Variants in NRXN3 observed in about 807,000 individuals in gnomAD.
The protein encoded by NRXN3 is neurexin III.
In NRXN3, 32 loss-of-function variants were observed where a neutral mutation model predicts 137.6. The observed-to-expected ratio is 0.23, with a 90% CI of 0.18 to 0.31. The LOEUF is 0.31. NRXN3 is among the 10% of genes least tolerant of loss of function. NRXN3 has a pLI of 1.00. For missense variants in NRXN3, 1,574 were observed against 2,062.5 expected, an observed-to-expected ratio of 0.76 and a Z score of 4.59; for synonymous variants, 798 against 784.5, an observed-to-expected ratio of 1.02 and a Z score of -0.29.
chr14:79,070,332 A>G (rs1481209258), intron 15 of NRXN3, among the ~76,000 whole-genome samples: 1 of 152,234 alleles, frequency 6.6e-6, no homozygotes, highest in Non-Finnish European at 1.5e-5. Context: ...AGGAAGAGTA[A>G]GAAAGAAATT....
intron 15 of NRXN3, among the ~76,000 whole-genome samples, chr14:79,305,927 A>G (rs552978212): frequency 2.3e-4 from 35 of 152,200 alleles, no homozygotes; most frequent in African/African-American, 8.2e-4. Context: ...TCCTGGTATC[A>G]ATGGGACTGG....
At chr14:79,450,255 T>G (rs1036599505) in intron 15 of NRXN3, among the ~76,000 whole-genome samples, 2 of 152,002 alleles carry the variant, frequency 1.3e-5, no homozygotes, top group African/African-American at 4.8e-5. Context: ...AAGTACATAG[T>G]AGAATAGTGG....
At chr14:79,844,410 CT>C (rs1177056792) in intron 20 of NRXN3, among the ~76,000 whole-genome samples, 1 of 151,330 alleles carries the variant, frequency 6.6e-6, no homozygotes, top group Non-Finnish European at 1.5e-5. Context: ...AGAAGAATCA[CT>C]ATCTATGGCA....
chr14:79,041,120 T>G (rs528049699), intron 15 of NRXN3, among the ~76,000 whole-genome samples: 74 of 152,294 alleles, frequency 4.9e-4, no homozygotes, highest in African/African-American at 1.8e-3. Context: ...ATTTTTCCTT[T>G]TAATAGCTGT....
intron 8 of NRXN3, among the ~76,000 whole-genome samples, chr14:78,756,525 GAC>G (rs1474245540): frequency 7.1e-6 from 1 of 140,402 alleles, no homozygotes; most frequent in Non-Finnish European, 1.5e-5. Context: ...CAGCCTGGGT[GAC>G]AGACTGGGAT....
chr14:78,387,453 C>G (rs968823965), intron 4 of NRXN3, among the ~76,000 whole-genome samples: 10 of 152,142 alleles, frequency 6.6e-5, no homozygotes. Flanking sequence ...TTGTTTTTCT[C>G]CTTTCCATAA....
chr14:79,095,340 G>A (rs948222349), intron 15 of NRXN3, among the ~76,000 whole-genome samples: 2 of 152,138 alleles, frequency 1.3e-5, no homozygotes, highest in Non-Finnish European at 2.9e-5. Context: ...ATAAAATATA[G>A]ACTTAGACCT....
chr14:79,824,857 T>G (rs192693416), intron 20 of NRXN3, among the ~76,000 whole-genome samples: 1 of 152,320 alleles, frequency 6.6e-6, no homozygotes, highest in East Asian at 1.9e-4. Context: ...AATTTACATA[T>G]AACGGATGCA....
intron 1 of NRXN3, among the ~76,000 whole-genome samples, chr14:78,214,345 C>A (rs1040229059): frequency 7.2e-5 from 11 of 152,166 alleles, no homozygotes; most frequent in Non-Finnish European, 1.2e-4. Context: ...GGCTGGAGTC[C>A]CCTCCTAGTG....
At chr14:79,367,827 T>G (rs1381854281) in intron 15 of NRXN3, among the ~76,000 whole-genome samples, 1 of 152,178 alleles carries the variant, frequency 6.6e-6, no homozygotes, top group Non-Finnish European at 1.5e-5. Context: ...TTTGATGGTT[T>G]AAACTGTGCT....
At chr14:78,603,028 C>T (rs531691179) in intron 4 of NRXN3, among the ~76,000 whole-genome samples, 1 of 152,244 alleles carries the variant, frequency 6.6e-6, no homozygotes, top group East Asian at 1.9e-4. Flanking sequence ...ATTCCAAATT[C>T]AACCATTTCT....
At chr14:78,843,050 T>A (rs1016289095) in intron 10 of NRXN3, among the ~76,000 whole-genome samples, 7 of 152,098 alleles carry the variant, frequency 4.6e-5, no homozygotes, top group Admixed American at 3.9e-4. Context: ...CTTATGAAGA[T>A]GATGGGAATA....
intron 15 of NRXN3, among the ~76,000 whole-genome samples, chr14:79,095,652 AAAATAC>A (rs1389067545): frequency 7.8e-5 from 8 of 102,908 alleles, no homozygotes; most frequent in African/African-American, 1.9e-4. Context: ...TAATGTCTAG[AAAATAC>A]ATGTGAGATT....
At chr14:78,528,341 T>C (rs2096410649) in intron 4 of NRXN3, among the ~76,000 whole-genome samples, 1 of 152,154 alleles carries the variant, frequency 6.6e-6, no homozygotes. Flanking sequence ...CCATTTTGTG[T>C]AGTATTTTGG....
chr14:79,665,778 G>T (rs1185337171), intron 17 of NRXN3, among the ~76,000 whole-genome samples: 8 of 152,132 alleles, frequency 5.3e-5, no homozygotes, highest in Non-Finnish European at 1.2e-4. Context: ...GGAGATTCTT[G>T]CTGTGCGCCT....
chr14:78,585,929 A>G lies in NRXN3; in HGVS notation c.758-59191A>G, dbSNP rs553434314. Among the ~76,000 whole-genome samples, 8 of 152,324 alleles carry G rather than the reference A, an allele frequency of 5.3e-5. No individual in the cohort carries two copies. The East Asian group carries it at 9.6e-4, about 18-fold the overall frequency. Reference sequence around the variant, plus strand: ...GGATTTGAGAATCATTAGCATACACATGCTATTTAGAGGCTTGAGACTGGA... The same window carrying G: ...GGATTTGAGAATCATTAGCATACACGTGCTATTTAGAGGCTTGAGACTGGA... On this transcript the variant is annotated intron_variant, in intron 4 of 20. Transcript: ENST00000335750.
At position 78,894,088 on chromosome 14, in the gene NRXN3, G is replaced by GT. The variant is rs368156031; in HGVS notation, c.2276-63152dup. On this transcript the variant is annotated intron_variant, in intron 10 of 20. Coordinates refer to ENST00000335750, the MANE Select transcript of NRXN3 (RefSeq NM_001330195.2). ...CGGCTGCTCACTGATCAGGGTAGTGGTTGCTGAAGGAGGTTAGGGTGGCTG... is the reference window on the plus strand; with the variant it reads ...CGGCTGCTCACTGATCAGGGTAGTGGTTTGCTGAAGGAGGTTAGGGTGGCTG... Among the ~76,000 whole-genome samples, 93 of 151,968 alleles carry GT rather than the reference G, an allele frequency of 6.1e-4. 1 individual carries two copies. The Middle Eastern group carries it at 0.01, about 17-fold the overall frequency.
chr14:79,537,324 G>C (rs1430881715), intron 16 of NRXN3, among the ~76,000 whole-genome samples: 1 of 151,728 alleles, frequency 6.6e-6, no homozygotes, highest in Non-Finnish European at 1.5e-5. Flanking sequence ...AAGCTTTAGG[G>C]TACATGTGCC....
At chr14:78,362,838 T>TG (rs1472417689) in intron 4 of NRXN3, among the ~76,000 whole-genome samples, 1 of 152,068 alleles carries the variant, frequency 6.6e-6, no homozygotes, top group Admixed American at 6.6e-5. Context: ...ATTGTGGTAG[T>TG]GGGGGATACT....
Sources: allele counts gnomAD v4.1 joint callset (sites outside exome capture counted in the v4.1 genomes callset), GRCh38; gene constraint gnomAD v4.1.1; transcripts MANE v1.5; gene names NCBI Gene and HGNC (gene_info 2026-07-23, HGNC 2026-07-21).